The following CYRIA variants were observed in gnomAD, a reference collection of about 807,000 sequenced individuals.
CYRIA encodes the protein CYFIP related Rac1 interactor A, also known as CYFIP-related Rac1 interactor A.
In CYRIA, 15 loss-of-function variants were observed where a neutral mutation model predicts 43.9. The ratio of observed to expected loss-of-function variants is 0.34; its 90% CI spans 0.23 to 0.53. The LOEUF is 0.53. CYRIA is among the 20% of genes least tolerant of loss of function. CYRIA has a pLI of 0.94. For synonymous variants in CYRIA, 117 were observed against 136.0 expected, an observed-to-expected ratio of 0.86 and a Z score of 0.97; for missense variants, 236 against 394.2, an observed-to-expected ratio of 0.60 and a Z score of 3.40.
intron 2 of CYRIA, among the ~76,000 whole-genome samples, chr2:16,612,737 T>C (rs1231828613): frequency 6.6e-6 from 1 of 152,116 alleles, no homozygotes; most frequent in African/African-American, 2.4e-5. Flanking sequence ...TGCTGCAAAA[T>C]AGCAATGTCT....
chr2:16,560,048 A>G (rs1448181785), intron 9 of CYRIA, among the ~76,000 whole-genome samples: 1 of 152,158 alleles, frequency 6.6e-6, no homozygotes, highest in African/African-American at 2.4e-5. Context: ...TGGCAAAAAT[A>G]CCTTAAAAAA....
chr2:16,625,975 G>A lies in CYRIA; in HGVS notation c.-166-1956C>T, dbSNP rs539479575. ...AAGAGGGTCAGTCAGGCGGAACACC[G>A]GGTTTCCTCCTGATCATCATTCTAA... On this transcript the variant is annotated intron_variant, in intron 1 of 11. Coordinates refer to ENST00000381323, the MANE Select transcript of CYRIA (RefSeq NM_030797.4). 1.7e-3 allele frequency among the ~76,000 whole-genome samples: 263 copies of A among 152,016 alleles called. 1 individual carries two copies. The highest frequency in any genetic ancestry group is 5.9e-3 in the African/African-American group (244 of 41,458).
chr2:16,613,048 G>A (rs1433427957), intron 2 of CYRIA, among the ~76,000 whole-genome samples: 4 of 152,102 alleles, frequency 2.6e-5, no homozygotes, highest in Non-Finnish European at 5.9e-5. Flanking sequence ...TTGACTGTGA[G>A]GCCTCCACAG....
chr2:16,638,031 G>T (rs1006290939), intron 1 of CYRIA, among the ~76,000 whole-genome samples: 1 of 152,160 alleles, frequency 6.6e-6, no homozygotes, highest in South Asian at 2.1e-4. Context: ...AACGGGGGGT[G>T]ATGGGTGGGG....
At chr2:16,571,610 G>A (rs140130453) in intron 3 of CYRIA, among the ~76,000 whole-genome samples, 2 of 152,336 alleles carry the variant, frequency 1.3e-5, no homozygotes, top group African/African-American at 4.8e-5. Context: ...CTAAGATAAT[G>A]TGAGTAGAAA....
chr2:16,642,228 CT>C (rs1287476021), intron 1 of CYRIA, among the ~76,000 whole-genome samples: 1 of 152,176 alleles, frequency 6.6e-6, no homozygotes, highest in Non-Finnish European at 1.5e-5. Flanking sequence ...AGAAGCTACA[CT>C]CCAATGCCTA....
rs143533575 is a variant in CYRIA at position 16,607,272 on chromosome 2, G to A, written c.-11+16592C>T. 7.4e-3 allele frequency among the ~76,000 whole-genome samples: 1,051 copies of A among 142,356 alleles called. 15 individuals are homozygous for A. The highest frequency in any genetic ancestry group is 0.025 in the African/African-American group (989 of 39,336). The allele number at this position is 142,356 out of a possible 152,430, so 93.4% of individuals were successfully genotyped here. On this transcript the variant is annotated intron_variant, in intron 2 of 11. Coordinates refer to ENST00000381323, the MANE Select transcript of CYRIA (RefSeq NM_030797.4). ...GGGACAGGAAAGGTGGATGAGGTGA[G>A]AGTCTGCAGAGTGGTGGGAGGTGGG...
In CYRIA at chr2:16,561,357, A is replaced by G. The variant is rs572946260; in HGVS notation, c.514-80T>C. ...AAATACTTTTCTCTGGAACTGAATT[A>G]CAGACAAGGACATTGTCTTCTGTCT... On this transcript the variant is annotated intron_variant, in intron 7 of 11. Coordinates refer to ENST00000381323, the MANE Select transcript of CYRIA (RefSeq NM_030797.4). The G allele has an allele frequency of 2.3e-5, 34 of 1,460,798 alleles. No homozygotes were observed. The Admixed American group carries it at 5.5e-4, about 24-fold the overall frequency. The allele number at this position is 1,460,798 out of a possible 1,614,324, so 90.5% of individuals were successfully genotyped here.
chr2:16,653,684 A>G (rs1396396720), intron 1 of CYRIA, among the ~76,000 whole-genome samples: 1 of 152,198 alleles, frequency 6.6e-6, no homozygotes, highest in African/African-American at 2.4e-5. Context: ...TAGGTGCTCA[A>G]TAAGTATCTG....
At chr2:16,573,127 G>A (rs1413064448) in intron 3 of CYRIA, among the ~76,000 whole-genome samples, 1 of 152,178 alleles carries the variant, frequency 6.6e-6, no homozygotes, top group Non-Finnish European at 1.5e-5. Context: ...TTCTTCATTG[G>A]TGACTGTCAA....
At chr2:16,645,292 C>T (rs1669787320) in intron 1 of CYRIA, among the ~76,000 whole-genome samples, 1 of 152,010 alleles carries the variant, frequency 6.6e-6, no homozygotes, top group African/African-American at 2.4e-5. Flanking sequence ...GGCAACGATC[C>T]TGGGCTAAAA....
rs1187911833 is a variant in CYRIA at position 16,612,684 on chromosome 2, G to T, written c.-11+11180C>A. Among the ~76,000 whole-genome samples, 13 of 152,300 alleles carry T rather than the reference G, an allele frequency of 8.5e-5. No individual in the cohort carries two copies. In the South Asian group the frequency reaches 1.9e-3, roughly 22 times the overall value. ...TGGCCTCTGAAGCAGCCAATCAGCTGCAGGAGGCTGAGCTGCGTGAGAAGT... is the reference window on the plus strand; with the variant it reads ...TGGCCTCTGAAGCAGCCAATCAGCTTCAGGAGGCTGAGCTGCGTGAGAAGT... On this transcript the variant is annotated intron_variant, in intron 2 of 11. Transcript: ENST00000381323.
intron 2 of CYRIA, among the ~76,000 whole-genome samples, chr2:16,589,675 A>AG (rs1476539382): frequency 6.6e-6 from 1 of 152,136 alleles, no homozygotes; most frequent in Non-Finnish European, 1.5e-5. Flanking sequence ...CAGCACTTAC[A>AG]GGAAGTGCTC....
intron 1 of CYRIA, among the ~76,000 whole-genome samples, chr2:16,629,841 G>A (rs200966851): frequency 1.3e-5 from 2 of 150,294 alleles, no homozygotes; most frequent in East Asian, 4.4e-4. Flanking sequence ...CAACAGCTGT[G>A]ATTATGACTA....
intron 3 of CYRIA, among the ~76,000 whole-genome samples, chr2:16,573,715 ACT>A (rs1328306187): frequency 6.6e-6 from 1 of 151,650 alleles, no homozygotes; most frequent in South Asian, 2.1e-4. Flanking sequence ...CCCCTGCACA[ACT>A]CTCTCTCTTT....
chr2:16,559,010 G>C (rs1244839980), intron 10 of CYRIA, among the ~76,000 whole-genome samples: 1 of 152,174 alleles, frequency 6.6e-6, no homozygotes, highest in Non-Finnish European at 1.5e-5. Context: ...AAATGATGAG[G>C]AAAGGCATGG....
intron 2 of CYRIA, among the ~76,000 whole-genome samples, chr2:16,590,666 T>C (rs550043358): frequency 7.7e-4 from 117 of 152,252 alleles, no homozygotes; most frequent in African/African-American, 2.3e-3. Context: ...TCTCAGTGGA[T>C]TGGCTGATAT....
rs59622496 is a variant in CYRIA at position 16,603,901 on chromosome 2, C to T, written c.-10-15772G>A. 1.1e-4 allele frequency among the ~76,000 whole-genome samples: 16 copies of T among 152,210 alleles called. No individual in the cohort carries two copies. The South Asian group carries it at 2.5e-3, about 24-fold the overall frequency. ...GTTATTCAAACACTTCTATGTTACA[C>T]GGTTTTTATTTATGTTGGAAAATGA... On this transcript the variant is annotated intron_variant, in intron 2 of 11. Coordinates refer to ENST00000381323, the MANE Select transcript of CYRIA (RefSeq NM_030797.4).
chr2:16,555,048 T>C, intron 11 of CYRIA, 21 bp downstream of exon 11: 2 of 1,606,742 alleles, frequency 1.2e-6, no homozygotes, highest in Non-Finnish European at 1.7e-6. Flanking sequence ...CCCTGTGAGC[T>C]GACACAGGGT....
Sources: gnomAD v4.1 joint callset for allele counts (sites outside exome capture counted in the v4.1 genomes callset) on GRCh38, gnomAD v4.1.1 for gene constraint, MANE v1.5 for transcripts, NCBI Gene and HGNC (gene_info 2026-07-23, HGNC 2026-07-21) for gene names.